Variants in FRMD4A observed in about 807,000 individuals in gnomAD.
FRMD4A encodes FERM domain-containing protein 4A.
In FRMD4A, 29 loss-of-function variants were observed where a neutral mutation model predicts 129.1. The observed-to-expected ratio is 0.22, with a 90% confidence interval of 0.17 to 0.31. FRMD4A has a LOEUF of 0.31. Among genes scored for constraint, FRMD4A ranks in the 10% least tolerant of loss-of-function variants. The pLI is 1.00. For synonymous variants in FRMD4A, 634 were observed against 571.6 expected (o/e 1.11, Z -1.56); for missense variants, 1,272 against 1,375.8 (o/e 0.92, Z 1.19).
At chr10:13,869,990 A>G (rs1234990054) in intron 2 of FRMD4A, among the ~76,000 whole-genome samples, 3 of 152,318 alleles carry the variant, frequency 2.0e-5, no homozygotes, top group South Asian at 4.1e-4. Context: ...CCTACTGAGC[A>G]CTGGATTGTA....
At chr10:13,940,118 C>A (rs1424326930) in intron 2 of FRMD4A, among the ~76,000 whole-genome samples, 1 of 151,790 alleles carries the variant, frequency 6.6e-6, no homozygotes, top group Non-Finnish European at 1.5e-5. Context: ...CTGAAGGGCA[C>A]AAACCCTTTC....
chr10:14,036,314 G>T (rs1182900388), intron 2 of FRMD4A, among the ~76,000 whole-genome samples: 4 of 152,118 alleles, frequency 2.6e-5, no homozygotes, highest in African/African-American at 9.7e-5. Context: ...ATTAGTTCAG[G>T]GTACTCCTGG....
intron 6 of FRMD4A, among the ~76,000 whole-genome samples, chr10:13,777,791 ATTT>A (rs34059772): frequency 5.8e-5 from 5 of 85,980 alleles, no homozygotes; most frequent in Non-Finnish European, 6.4e-5. Context: ...CTTTGGGTCA[ATTT>A]TTTTTTTTTT....
intron 2 of FRMD4A, among the ~76,000 whole-genome samples, chr10:13,872,861 G>T (rs547345060): frequency 6.6e-6 from 1 of 152,254 alleles, no homozygotes; most frequent in African/African-American, 2.4e-5. Context: ...TTGTTTTGAT[G>T]ACTGTACTTG....
intron 2 of FRMD4A, among the ~76,000 whole-genome samples, chr10:13,887,745 T>G (rs560095429): frequency 9.8e-5 from 15 of 152,290 alleles, no homozygotes; most frequent in African/African-American, 3.4e-4. Context: ...ATTAGTGCAA[T>G]GTACTAAACA....
intron 24 of FRMD4A, among the ~76,000 whole-genome samples, chr10:13,650,758 C>T (rs1346661953): frequency 2.6e-5 from 4 of 152,180 alleles, no homozygotes; most frequent in African/African-American, 7.2e-5. Flanking sequence ...AAACAAGACT[C>T]TCTACTGTTA....
At chr10:13,909,277 T>A (rs1443931842) in intron 2 of FRMD4A, among the ~76,000 whole-genome samples, 1 of 152,240 alleles carries the variant, frequency 6.6e-6, no homozygotes, top group Non-Finnish European at 1.5e-5. Flanking sequence ...TCCTTTGTAG[T>A]GTGTGAGATT....
intron 2 of FRMD4A, among the ~76,000 whole-genome samples, chr10:14,080,637 C>T (rs988029294): frequency 3.9e-5 from 6 of 151,940 alleles, no homozygotes; most frequent in East Asian, 1.9e-4. Flanking sequence ...ATCACAGAAG[C>T]GATCTTGGAA....
chr10:14,162,351 G>T (rs542443323), intron 2 of FRMD4A, among the ~76,000 whole-genome samples: 8 of 152,222 alleles, frequency 5.3e-5, no homozygotes, highest in Non-Finnish European at 1.2e-4. Context: ...CGACAATGTA[G>T]TTGCTCCCAG....
intron 15 of FRMD4A, among the ~76,000 whole-genome samples, chr10:13,687,067 G>C (rs1028977611): frequency 1.3e-5 from 2 of 152,106 alleles, no homozygotes; most frequent in African/African-American, 4.8e-5. Context: ...GAGGCAGGCA[G>C]CTCACTTGAG....
intron 3 of FRMD4A, among the ~76,000 whole-genome samples, chr10:13,855,520 A>G (rs1191389816): frequency 6.6e-6 from 1 of 152,048 alleles, no homozygotes; most frequent in Non-Finnish European, 1.5e-5. Flanking sequence ...CATGTTACAA[A>G]CCTTGTCAGG....
intron 2 of FRMD4A, among the ~76,000 whole-genome samples, chr10:14,124,896 T>A: frequency 6.6e-6 from 1 of 152,178 alleles, no homozygotes; most frequent in East Asian, 1.9e-4. Context: ...GAGCCCTTCC[T>A]TGGTGACCCA....
chr10:13,971,976 C>T, intron 2 of FRMD4A: 1 of 1,189,662 alleles, frequency 8.4e-7, no homozygotes, highest in Non-Finnish European at 1.1e-6. Flanking sequence ...CACCACCACC[C>T]TCACTAATCC....
At chr10:14,282,879 A>G (rs1337259055) in intron 2 of FRMD4A, among the ~76,000 whole-genome samples, 3 of 152,202 alleles carry the variant, frequency 2.0e-5, no homozygotes, top group Non-Finnish European at 2.9e-5. Flanking sequence ...ACCTTATTAC[A>G]TAGACTGATA....
chr10:14,211,504 T>C (rs922925364), intron 2 of FRMD4A, among the ~76,000 whole-genome samples: 9 of 152,218 alleles, frequency 5.9e-5, no homozygotes, highest in African/African-American at 1.4e-4. Context: ...ACAGAACTGC[T>C]ATAGGAATCA....
In FRMD4A at chr10:13,652,108, CAG is replaced by C. The variant is rs1465414810; in HGVS notation, c.3051-136_3051-135del. The stretch of plus-strand genomic sequence containing the variant: ...GCTGATTAGACACCTGAGTTAGCAA[CAG>C]ATCATACAAGTCATGCAGTACTTTC... On this transcript the variant is annotated intron_variant, in intron 23 of 24. Coordinates refer to ENST00000357447, the MANE Select transcript of FRMD4A (RefSeq NM_018027.5). 8.7e-6 allele frequency: 6 copies of C among 692,816 alleles called. No homozygotes were observed. In the African/African-American group the frequency reaches 8.7e-5, roughly 10 times the overall value. The allele number at this position is 692,816 out of a possible 1,614,324, so 42.9% of individuals were successfully genotyped here. A position where few individuals can be genotyped will look rare whatever the true frequency, so the allele number is the denominator to read the frequency against.
At chr10:13,985,264 T>C (rs2095576952) in intron 2 of FRMD4A, among the ~76,000 whole-genome samples, 1 of 152,212 alleles carries the variant, frequency 6.6e-6, no homozygotes. Flanking sequence ...TCCTGCATAC[T>C]TGGGGCTGGC....
intron 12 of FRMD4A, among the ~76,000 whole-genome samples, chr10:13,732,666 A>T (rs534010640): frequency 5.9e-5 from 9 of 152,146 alleles, no homozygotes; most frequent in African/African-American, 2.2e-4. Context: ...GCTGGGTGTC[A>T]CTCCCTTGCC....
chr10:14,261,817 C>A (rs533916943), intron 2 of FRMD4A, among the ~76,000 whole-genome samples: 1 of 152,138 alleles, frequency 6.6e-6, no homozygotes, highest in South Asian at 2.1e-4. Flanking sequence ...AACGTAGAAA[C>A]TGTAAAGGTC....
Sources: allele counts gnomAD v4.1 joint callset (sites outside exome capture counted in the v4.1 genomes callset), GRCh38; gene constraint gnomAD v4.1.1; transcripts MANE v1.5; gene names NCBI Gene and HGNC (gene_info 2026-07-23, HGNC 2026-07-21).